CFAP70: variants seen among roughly 807,000 people sequenced by gnomAD.
The protein encoded by CFAP70 is cilia- and flagella-associated protein 70.
A neutral mutation model predicts 137.6 loss-of-function variants in CFAP70; 81 were observed. The observed-to-expected ratio is 0.59, with a 90% CI of 0.49 to 0.71. The LOEUF (loss-of-function observed/expected upper bound fraction) is 0.71. CFAP70 is among the 30% of genes least tolerant of loss of function. The probability of loss-of-function intolerance (pLI) is 0.00; values close to 1 mark genes in which losing one functional copy is unlikely to be tolerated. For synonymous variants in CFAP70, 382 were observed against 423.6 expected (o/e 0.90, Z 1.20); for missense variants, 976 against 1,226.7 (o/e 0.80, Z 3.05).
intron 4 of CFAP70, among the ~76,000 whole-genome samples, chr10:73,347,642 G>A (rs569441417): frequency 6.6e-6 from 1 of 152,288 alleles, no homozygotes; most frequent in African/African-American, 2.4e-5. Context: ...ACTGAGTTCA[G>A]TTTTGGAATG....
chr10:73,265,873 A>ATTT (rs58877464), intron 25 of CFAP70, among the ~76,000 whole-genome samples: 9,312 of 141,886 alleles, frequency 0.066, 488 homozygotes, highest in East Asian at 0.28. Context: ...TGTCATAGCT[A>ATTT]TTTTTTTTTT....
chr10:73,281,907 T>A (rs2047284437), intron 19 of CFAP70, among the ~76,000 whole-genome samples: 1 of 152,204 alleles, frequency 6.6e-6, no homozygotes, highest in African/African-American at 2.4e-5. Flanking sequence ...AACCAAATAC[T>A]GCAAGTTCTC....
At chr10:73,338,432 C>CTT (rs976162527) in intron 6 of CFAP70, among the ~76,000 whole-genome samples, 9 of 108,528 alleles carry the variant, frequency 8.3e-5, no homozygotes, top group East Asian at 7.7e-4. Flanking sequence ...ATGTGAATCT[C>CTT]TTTTTTTTTT....
intron 15 of CFAP70, 195 bp from the exon 17 acceptor site, chr10:73,293,583 GC>G (rs933658657): frequency 6.7e-6 from 3 of 448,894 alleles, no homozygotes; most frequent in African/African-American, 4.0e-5. Context: ...TGAAGGAGAA[GC>G]TCAGGTATCT....
At chr10:73,312,712 T>C in intron 9 of CFAP70, 69 bp from the exon 11 acceptor site, 1 of 1,352,358 alleles carries the variant, frequency 7.4e-7, no homozygotes, top group Non-Finnish European at 9.9e-7. Flanking sequence ...ACACATTATT[T>C]TTTTTTACCA....
intron 12 of CFAP70, among the ~76,000 whole-genome samples, chr10:73,309,667 TTTTTTTAGAGATAGAGTC>T (rs2049730917): frequency 6.6e-6 from 1 of 151,438 alleles, no homozygotes; most frequent in Non-Finnish European, 1.5e-5. Context: ...AATTTTTTTT[TTTTTTTAGAGATAGAGTC>T]TTTCTCTGTC....
rs373845099 is a variant in CFAP70, at chr10:73,312,680, A to G, written c.913-37T>C. ...AAAAACAAACAAAAAAAAGCAATAC[A>G]TGAGACAAACTTGAAAGAAATACAC... On this transcript the variant is annotated intron_variant, in intron 9 of 26. Transcript: ENST00000310715. 1.7e-4 allele frequency: 248 copies of G among 1,501,128 alleles called. 2 individuals carry two copies. The highest frequency in any genetic ancestry group is 1.0e-3 in the African/African-American group (74 of 70,560). The allele number at this position is 1,501,128 out of a possible 1,614,324, so 93.0% of individuals were successfully genotyped here. A position where few individuals can be genotyped will look rare whatever the true frequency, so the allele number is the denominator to read the frequency against.
Position 73,263,310 on chromosome 10 carries a change from T to C in CFAP70, c.3027+6304A>G, listed in dbSNP as rs146655974. Among the ~76,000 whole-genome samples, 11 of 152,326 alleles carry C rather than the reference T, an allele frequency of 7.2e-5. No homozygotes were observed. The East Asian group carries it at 1.9e-3, about 27-fold the overall frequency. ...TAAAGTCTCACTATGTCGCCCAGGCTGTTCTTAAATTCCAGGGCTCAATTG... is the reference window on the plus strand; with the variant it reads ...TAAAGTCTCACTATGTCGCCCAGGCCGTTCTTAAATTCCAGGGCTCAATTG... On this transcript the variant is annotated intron_variant, in intron 25 of 26. Coordinates refer to ENST00000310715, the Ensembl canonical transcript of CFAP70.
chr10:73,283,457 G>A (rs1226410771), intron 19 of CFAP70, among the ~76,000 whole-genome samples: 1 of 152,132 alleles, frequency 6.6e-6, no homozygotes, highest in Non-Finnish European at 1.5e-5. Flanking sequence ...GTATGAATTT[G>A]TCTGCATCTC....
At chr10:73,290,903 T>G (rs2048131636) in intron 19 of CFAP70, among the ~76,000 whole-genome samples, 1 of 152,232 alleles carries the variant, frequency 6.6e-6, no homozygotes, top group African/African-American at 2.4e-5. Context: ...GTTCAGAGTT[T>G]TTCCTGGTAT....
exon 19 of CFAP70, chr10:73,291,284 T>G (rs759114709): frequency 4.3e-6 from 7 of 1,614,232 alleles, no homozygotes; most frequent in Non-Finnish European, 5.1e-6. Flanking sequence ...CCCAAGGGCC[T>G]AAACTAGATT....
At chr10:73,286,845 T>C (rs942479001) in intron 19 of CFAP70, among the ~76,000 whole-genome samples, 1 of 152,212 alleles carries the variant, frequency 6.6e-6, no homozygotes, top group African/African-American at 2.4e-5. Flanking sequence ...GCTAAAAGTA[T>C]GCCTTATGGG....
At chr10:73,310,281 GA>G (rs771790319) in intron 11 of CFAP70, 32 bp from the exon 13 acceptor site, 12 of 1,489,744 alleles carry the variant, frequency 8.1e-6, no homozygotes, top group South Asian at 7.3e-5. Context: ...ATTATTTCCA[GA>G]AAAAAATATA....
chr10:73,308,069 T>G (rs1319910262), intron 12 of CFAP70, among the ~76,000 whole-genome samples: 2 of 151,272 alleles, frequency 1.3e-5, no homozygotes, highest in Non-Finnish European at 2.9e-5. Context: ...GCAGGAGAAT[T>G]GCTTGAACCC....
intron 19 of CFAP70, among the ~76,000 whole-genome samples, chr10:73,284,424 T>C (rs1399605269): frequency 6.6e-6 from 1 of 152,120 alleles, no homozygotes; most frequent in Non-Finnish European, 1.5e-5. Flanking sequence ...TTTTGCTATA[T>C]AAGGCAACAG....
chr10:73,341,595 T>C lies in CFAP70; in HGVS notation c.400-14A>G. The C allele has an allele frequency of 6.2e-7, 1 of 1,607,082 alleles. No individual in the cohort carries two copies. The highest frequency in any genetic ancestry group is 8.5e-7 in the Non-Finnish European group (1 of 1,177,510). ...GGGATAGTCCTTCTACAGAAATAGA[T>C]ACCATATGTCAGGAAAATTTGTAAA... is the stretch of plus-strand genomic sequence containing the variant. On this transcript the variant is annotated splice_polypyrimidine_tract_variant and intron_variant, in intron 5 of 26. Coordinates refer to ENST00000310715, the Ensembl canonical transcript of CFAP70.
chr10:73,307,244 G>T (rs1163034908), intron 12 of CFAP70, among the ~76,000 whole-genome samples: 1 of 151,742 alleles, frequency 6.6e-6, no homozygotes, highest in African/African-American at 2.4e-5. Flanking sequence ...AAATCCAAAT[G>T]GCATACTGCA....
intron 8 of CFAP70, among the ~76,000 whole-genome samples, chr10:73,329,718 A>C (rs2132286674): frequency 6.6e-6 from 1 of 152,350 alleles, no homozygotes; most frequent in South Asian, 2.1e-4. Flanking sequence ...TTTAGTTCAC[A>C]GACTCATACA....
At chr10:73,351,063 G>A (rs1236146300) in intron 3 of CFAP70, among the ~76,000 whole-genome samples, 3 of 57,032 alleles carry the variant, frequency 5.3e-5, no homozygotes, top group African/African-American at 2.9e-4. Context: ...GTGTGTGTGT[G>A]TGTGTGTGTA....
Sources: gnomAD v4.1 joint callset for allele counts (sites outside exome capture counted in the v4.1 genomes callset) on GRCh38, gnomAD v4.1.1 for gene constraint, MANE v1.5 for transcripts, NCBI Gene and HGNC (gene_info 2026-07-23, HGNC 2026-07-21) for gene names.